PARD3B: variants seen among roughly 807,000 people sequenced by gnomAD.
PARD3B encodes partitioning defective 3 homolog B.
In PARD3B, 103 loss-of-function variants were observed where a neutral mutation model predicts 130.2. The observed-to-expected ratio is 0.79, with a 90% CI of 0.67 to 0.93. PARD3B has a LOEUF of 0.93. Ranked by LOEUF, PARD3B falls within the 40% of genes least tolerant of loss-of-function variation. PARD3B has a pLI of 0.00. For missense variants in PARD3B, 1,609 were observed against 1,499.2 expected (o/e 1.07, Z -1.21); for synonymous variants, 583 against 553.2 (o/e 1.05, Z -0.76).
At chr2:205,201,628 G>A (rs1387038276) in intron 15 of PARD3B, among the ~76,000 whole-genome samples, 1 of 152,108 alleles carries the variant, frequency 6.6e-6, no homozygotes, top group African/African-American at 2.4e-5. Flanking sequence ...ACCTGAGGTC[G>A]GGAGTTCGAG....
At chr2:205,340,568 C>G (rs1369395163) in intron 18 of PARD3B, among the ~76,000 whole-genome samples, 1 of 151,972 alleles carries the variant, frequency 6.6e-6, no homozygotes, top group Non-Finnish European at 1.5e-5. Flanking sequence ...AAACCAGGCC[C>G]AAATCTCTCA....
At chr2:204,918,036 T>C (rs2047512344) in intron 2 of PARD3B, among the ~76,000 whole-genome samples, 1 of 152,186 alleles carries the variant, frequency 6.6e-6, no homozygotes. Context: ...AGCTTTAGAG[T>C]ACTTTGTAGC....
intron 10 of PARD3B, among the ~76,000 whole-genome samples, chr2:205,145,079 C>A (rs1388902711): frequency 1.3e-5 from 2 of 152,062 alleles, no homozygotes; most frequent in African/African-American, 4.8e-5. Flanking sequence ...GAGATGTAAT[C>A]CCTGCCTTTA....
intron 2 of PARD3B, among the ~76,000 whole-genome samples, chr2:204,809,414 ACT>A (rs2042886483): frequency 6.6e-6 from 1 of 152,050 alleles, no homozygotes; most frequent in African/African-American, 2.4e-5. Context: ...TTTTGGTTTT[ACT>A]TTTAAGTCTT....
intron 20 of PARD3B, among the ~76,000 whole-genome samples, chr2:205,448,172 C>T (rs2047973232): frequency 6.6e-6 from 1 of 152,206 alleles, no homozygotes; most frequent in Non-Finnish European, 1.5e-5. Flanking sequence ...ACACCTTCAG[C>T]CCTCTTGGCA....
At position 205,335,481 on chromosome 2, in the gene PARD3B, G is replaced by A. The variant is rs140001206; in HGVS notation, c.2630+33780G>A. Among the ~76,000 whole-genome samples the A allele has an allele frequency of 3.8e-3, 583 of 152,226 alleles. 1 individual carries two copies. The highest frequency in any genetic ancestry group is 6.2e-3 in the Non-Finnish European group (424 of 68,018). On this transcript the variant is annotated intron_variant, in intron 18 of 22. Transcript: ENST00000406610. Reference sequence around the variant, plus strand: ...TGGTACCTGTGTGTTGCACTGAAGTGCCATGAGCTGTAGTAGGAAGAGCTT... The same window carrying A: ...TGGTACCTGTGTGTTGCACTGAAGTACCATGAGCTGTAGTAGGAAGAGCTT...
rs557975171 is a variant in PARD3B, at chr2:204,616,164, C to T, written c.121-70017C>T. On this transcript the variant is annotated intron_variant, in intron 1 of 22. Transcript: ENST00000406610. ...AAGAATTTCTGTTTTGTGAAACACA[C>T]GGTGGAGAGAATGAGATGATAAGCC... Among the ~76,000 whole-genome samples the T allele has an allele frequency of 9.2e-5, 14 of 152,160 alleles. No individual in the cohort carries two copies. The East Asian group carries it at 1.7e-3, about 19-fold the overall frequency.
chr2:205,046,859 C>T (rs576238095), intron 3 of PARD3B, among the ~76,000 whole-genome samples: 16 of 152,262 alleles, frequency 1.1e-4, no homozygotes, highest in East Asian at 7.7e-4. Flanking sequence ...GCAGTCAGAG[C>T]GGTTAGGCCG....
rs188685809 is a variant in PARD3B at position 205,513,725 on chromosome 2, A to C, written c.3180+13694A>C. Among the ~76,000 whole-genome samples the C allele has an allele frequency of 2.6e-5, 4 of 152,248 alleles. No individual in the cohort carries two copies. The East Asian group carries it at 7.7e-4, about 29-fold the overall frequency. ...TTACTCAGTGGCAACCTTTTGCCAG[A>C]CATTTACTTGACTCTGAGGAATCGA... On this transcript the variant is annotated intron_variant, in intron 21 of 22. Coordinates refer to ENST00000406610, the MANE Select transcript of PARD3B (RefSeq NM_001302769.2).
intron 4 of PARD3B, among the ~76,000 whole-genome samples, chr2:205,074,506 A>G (rs772124895): frequency 6.6e-5 from 10 of 152,206 alleles, no homozygotes; most frequent in Non-Finnish European, 1.5e-4. Context: ...ATGAACAACA[A>G]CTTATCTTCA....
At chr2:205,260,465 G>A (rs1230182999) in intron 16 of PARD3B, among the ~76,000 whole-genome samples, 1 of 152,078 alleles carries the variant, frequency 6.6e-6, no homozygotes, top group African/African-American at 2.4e-5. Flanking sequence ...CTCATTCATG[G>A]TGACTTTTTC....
chr2:204,576,305 G>T (rs1043594376), intron 1 of PARD3B, among the ~76,000 whole-genome samples: 2 of 152,186 alleles, frequency 1.3e-5, no homozygotes, highest in Non-Finnish European at 2.9e-5. Flanking sequence ...CTAGAAGTTT[G>T]TGCGCAAGTA....
chr2:205,486,617 T>G (rs1011250011), intron 20 of PARD3B, among the ~76,000 whole-genome samples: 2 of 152,060 alleles, frequency 1.3e-5, no homozygotes, highest in Admixed American at 6.6e-5. Flanking sequence ...AGCAGGCACA[T>G]CTTATGCGTC....
In PARD3B at chr2:205,117,918, C is replaced by CACACACACACACACAT. The variant is rs1553617424; in HGVS notation, c.681-988_681-987insTACACACACACACACA. ...ACAGAATTGTGTATGTATGTGTGTACACACACACACACACACACATACACA... is the reference window on the plus strand; with the variant it reads ...ACAGAATTGTGTATGTATGTGTGTACACACACACACACACATACACACACACACACACACATACACA... On this transcript the variant is annotated intron_variant, in intron 6 of 22. Coordinates refer to ENST00000406610, the MANE Select transcript of PARD3B (RefSeq NM_001302769.2). Among the ~76,000 whole-genome samples, 36 of 150,942 alleles carry CACACACACACACACAT rather than the reference C, an allele frequency of 2.4e-4. No individual in the cohort carries two copies. The East Asian group carries it at 2.5e-3, about 11-fold the overall frequency.
chr2:205,086,670 A>G (rs1392744931), intron 4 of PARD3B, among the ~76,000 whole-genome samples: 1 of 151,966 alleles, frequency 6.6e-6, no homozygotes, highest in Non-Finnish European at 1.5e-5. Flanking sequence ...CTTTGGAGGC[A>G]CTCCTGAAAG....
At chr2:205,089,249 C>A (rs568668354) in intron 4 of PARD3B, among the ~76,000 whole-genome samples, 1 of 151,214 alleles carries the variant, frequency 6.6e-6, no homozygotes, top group African/African-American at 2.4e-5. Context: ...TGGCTCACTG[C>A]GACCTCCGCC....
At chr2:204,982,024 G>A (rs972427888) in intron 3 of PARD3B, among the ~76,000 whole-genome samples, 12 of 152,074 alleles carry the variant, frequency 7.9e-5, no homozygotes, top group Non-Finnish European at 1.8e-4. Context: ...TTGGAGTTAT[G>A]TAACCACCAA....
rs988580499 is a variant in PARD3B, at chr2:204,610,607, G to C, written c.120+64488G>C. 1.3e-5 allele frequency among the ~76,000 whole-genome samples: 2 copies of C among 152,072 alleles called. No individual in the cohort carries two copies. The highest frequency in any genetic ancestry group is 4.8e-5 in the African/African-American group (2 of 41,416). ...ACTCCTGACCTCAGGTGATCCACCC[G>C]CATTGGCCTCCCAAAGTGCTGGGAT... On this transcript the variant is annotated intron_variant, in intron 1 of 22. Transcript: ENST00000406610. The surrounding 1 kb of genome is among the most constrained non-coding windows in gnomAD (Gnocchi z 4.1).
intron 3 of PARD3B, among the ~76,000 whole-genome samples, chr2:205,040,345 C>T (rs909847754): frequency 2.6e-5 from 4 of 152,254 alleles, no homozygotes; most frequent in East Asian, 1.9e-4. Flanking sequence ...GCCCCTCCTC[C>T]GTGCTCATTT....
Sources: gnomAD v4.1 joint callset for allele counts (sites outside exome capture counted in the v4.1 genomes callset) on GRCh38, gnomAD v4.1.1 for gene constraint, Gnocchi (gnomAD v3.1) non-coding constraint, MANE v1.5 for transcripts, NCBI Gene and HGNC (gene_info 2026-07-23, HGNC 2026-07-21) for gene names.